Variants in PDE3A observed in about 807,000 individuals in gnomAD.
PDE3A encodes the protein phosphodiesterase 3A.
In PDE3A, 43 loss-of-function variants were observed where a neutral mutation model predicts 98.3. The observed-to-expected ratio is 0.44, with a 90% CI of 0.34 to 0.56. The LOEUF (loss-of-function observed/expected upper bound fraction) is 0.56. PDE3A is among the 20% of genes least tolerant of loss of function. PDE3A has a pLI of 0.01. For synonymous variants in PDE3A, 663 were observed against 567.9 expected, an observed-to-expected ratio of 1.17 and a Z score of -2.38; for missense variants, 1,427 against 1,440.7, an observed-to-expected ratio of 0.99 and a Z score of 0.15.
At chr12:20,584,430 G>A (rs1330773121) in intron 2 of PDE3A, among the ~76,000 whole-genome samples, 1 of 152,096 alleles carries the variant, frequency 6.6e-6, no homozygotes, top group African/African-American at 2.4e-5. Context: ...CCTCCAGAAT[G>A]TTTCTATTTA....
Position 20,556,774 on chromosome 12 carries a change from T to C in PDE3A, c.1011+64T>C, listed in dbSNP as rs1942380396. ...GTAACACTTTCAGCCACGGGTTTTC[T>C]AAAACTCAAGAGATAATAAAATGTG... is the stretch of plus-strand genomic sequence containing the variant. On this transcript the variant is annotated intron_variant, in intron 2 of 15. Coordinates refer to ENST00000359062, the MANE Select transcript of PDE3A (RefSeq NM_000921.5). 4 of 1,161,058 alleles carry C rather than the reference T, an allele frequency of 3.4e-6. No individual in the cohort carries two copies. In the Admixed American group the frequency reaches 6.8e-5, roughly 20 times the overall value. 71.9% of individuals were successfully genotyped at this position (1,161,058 alleles called of 1,614,324 possible). A position where few individuals can be genotyped will look rare whatever the true frequency, so the allele number is the denominator to read the frequency against.
intron 1 of PDE3A, among the ~76,000 whole-genome samples, chr12:20,522,231 G>A (rs900246166): frequency 1.2e-4 from 18 of 152,114 alleles, no homozygotes; most frequent in Non-Finnish European, 2.4e-4. Context: ...ATCAACACAA[G>A]GGCCCTGGTC....
intron 2 of PDE3A, among the ~76,000 whole-genome samples, chr12:20,594,923 A>C (rs1431582908): frequency 1.3e-5 from 2 of 152,096 alleles, no homozygotes; most frequent in African/African-American, 4.8e-5. Context: ...TTGTAGATCG[A>C]TACATTATAA....
intron 1 of PDE3A, among the ~76,000 whole-genome samples, chr12:20,434,320 C>A (rs777704588): frequency 2.6e-5 from 4 of 151,992 alleles, no homozygotes; most frequent in Non-Finnish European, 5.9e-5. Context: ...ACTTGGAGTT[C>A]GTTTTCATTG....
At chr12:20,561,223 A>G (rs1286633313) in intron 2 of PDE3A, among the ~76,000 whole-genome samples, 1 of 152,054 alleles carries the variant, frequency 6.6e-6, no homozygotes, top group African/African-American at 2.4e-5. Context: ...GCGCCGCTGC[A>G]CTCCAGCCTG....
intron 1 of PDE3A, among the ~76,000 whole-genome samples, chr12:20,538,758 C>T (rs1019010014): frequency 1.3e-5 from 2 of 152,084 alleles, no homozygotes; most frequent in African/African-American, 4.8e-5. Flanking sequence ...AATCCTCCTG[C>T]CTCAGCCTCC....
Position 20,650,436 on chromosome 12 carries a change from C to G in PDE3A, c.2770-9C>G, listed in dbSNP as rs2121517787. The G allele has an allele frequency of 6.3e-7, 1 of 1,580,186 alleles. No individual in the cohort carries two copies. Among genetic ancestry groups the G allele is most frequent in the Non-Finnish European group, 8.6e-7 (1 of 1,157,828 alleles). ...AGCAAAACATATATTAACTTTATCT[C>G]TCAAATAGGTAAATGATGATGTTGG... On this transcript the variant is annotated splice_polypyrimidine_tract_variant and intron_variant, in intron 13 of 15. Transcript: ENST00000359062.
At chr12:20,496,737 AT>A (rs1240721377) in intron 1 of PDE3A, among the ~76,000 whole-genome samples, 1 of 152,226 alleles carries the variant, frequency 6.6e-6, no homozygotes, top group Non-Finnish European at 1.5e-5. Context: ...TAGAAAAGAT[AT>A]TGGTACTGAA....
At chr12:20,664,248 T>C (rs1945252644) in intron 15 of PDE3A, among the ~76,000 whole-genome samples, 1 of 152,154 alleles carries the variant, frequency 6.6e-6, no homozygotes, top group African/African-American at 2.4e-5. Context: ...AGCATGAGAA[T>C]GGACTAATAC....
chr12:20,384,262 G>T (rs542146132), intron 1 of PDE3A, among the ~76,000 whole-genome samples: 231 of 150,562 alleles, frequency 1.5e-3, no homozygotes, highest in Middle Eastern at 6.8e-3. Context: ...CCTGACATTC[G>T]GGAAAGTCAT....
At chr12:20,441,668 G>A (rs1023621259) in intron 1 of PDE3A, among the ~76,000 whole-genome samples, 1 of 152,082 alleles carries the variant, frequency 6.6e-6, no homozygotes, top group Non-Finnish European at 1.5e-5. Context: ...TTGGTATTTG[G>A]TACTACAGGG....
In PDE3A at chr12:20,634,898, G is replaced by T; in HGVS notation, c.1847-4G>T. 6.2e-7 allele frequency: 1 copy of T among 1,604,610 alleles called. No individual in the cohort carries two copies. Among genetic ancestry groups the T allele is most frequent in the Non-Finnish European group, 8.5e-7 (1 of 1,171,872 alleles). ...TGTAATAAGTTGTTCTCTTTTAATT[G>T]TAGATGACACTGCTCAAGTTACCTC... On this transcript the variant is annotated splice_polypyrimidine_tract_variant and splice_region_variant and intron_variant, in intron 7 of 15. Coordinates refer to ENST00000359062, the MANE Select transcript of PDE3A (RefSeq NM_000921.5).
intron 1 of PDE3A, among the ~76,000 whole-genome samples, chr12:20,447,161 C>T (rs1244951536): frequency 6.6e-6 from 1 of 152,230 alleles, no homozygotes. Flanking sequence ...CTCTCTCTTG[C>T]AAGCCATCCG....
chr12:20,475,460 G>T (rs928903817), intron 1 of PDE3A, among the ~76,000 whole-genome samples: 3 of 152,086 alleles, frequency 2.0e-5, no homozygotes, highest in Non-Finnish European at 4.4e-5. Flanking sequence ...GCATGGTGGT[G>T]ACTCATGCCT....
At chr12:20,494,377 G>C (rs1210392164) in intron 1 of PDE3A, among the ~76,000 whole-genome samples, 1 of 152,164 alleles carries the variant, frequency 6.6e-6, no homozygotes, top group East Asian at 1.9e-4. Flanking sequence ...AATATTGATA[G>C]CTGTGTAATC....
At chr12:20,553,924 C>A (rs1942289009) in intron 1 of PDE3A, among the ~76,000 whole-genome samples, 1 of 151,618 alleles carries the variant, frequency 6.6e-6, no homozygotes, top group African/African-American at 2.4e-5. Flanking sequence ...CCGTTTGAGC[C>A]TTATAGATCA....
intron 1 of PDE3A, among the ~76,000 whole-genome samples, chr12:20,554,373 T>TAA (rs71039955): frequency 1.5e-4 from 22 of 149,418 alleles, no homozygotes; most frequent in Admixed American, 2.6e-4. Flanking sequence ...AAAAAAAAAA[T>TAA]AAAAAAAATA....
At chr12:20,668,143 G>C (rs1191061370) in intron 15 of PDE3A, among the ~76,000 whole-genome samples, 1 of 152,200 alleles carries the variant, frequency 6.6e-6, no homozygotes, top group African/African-American at 2.4e-5. Flanking sequence ...TTTCCGACGG[G>C]CTTAAAAAAC....
chr12:20,572,727 G>T (rs59361195), intron 2 of PDE3A, among the ~76,000 whole-genome samples: 1 of 151,984 alleles, frequency 6.6e-6, no homozygotes, highest in African/African-American at 2.4e-5. Context: ...AGAATAACTC[G>T]TTGAGCAGAC....
Sources: allele counts gnomAD v4.1 joint callset (sites outside exome capture counted in the v4.1 genomes callset), GRCh38; gene constraint gnomAD v4.1.1; transcripts MANE v1.5; gene names NCBI Gene and HGNC (gene_info 2026-07-23, HGNC 2026-07-21).